KLHL31: variants seen among roughly 807,000 people sequenced by gnomAD.
KLHL31 encodes kelch like family member 31.
In KLHL31, 32 loss-of-function variants were observed where a neutral mutation model predicts 47.1. The ratio of observed to expected loss-of-function variants is 0.68; its 90% CI spans 0.51 to 0.91. KLHL31 has a LOEUF of 0.91. KLHL31 is among the 40% of genes least tolerant of loss of function. The pLI, the probability that KLHL31 is intolerant of heterozygous loss-of-function variation, is 0.00. For missense variants in KLHL31, 797 were observed against 819.3 expected, an observed-to-expected ratio of 0.97 and a Z score of 0.33; for synonymous variants, 330 against 325.1, an observed-to-expected ratio of 1.01 and a Z score of -0.16.
intron 1 of KLHL31, among the ~76,000 whole-genome samples, chr6:53,663,699 G>A (rs1322768981): frequency 2.0e-5 from 3 of 152,218 alleles, no homozygotes. Flanking sequence ...CAAGGACACA[G>A]TACAAAGTTT....
At chr6:53,658,700 G>A (rs76534223) in intron 1 of KLHL31, among the ~76,000 whole-genome samples, 2,780 of 152,076 alleles carry the variant, frequency 0.018, 86 homozygotes, top group African/African-American at 0.063. Context: ...TTTGTGATCC[G>A]AATAGAATTA....
At position 53,654,159 on chromosome 6, in the gene KLHL31, C is replaced by G. The variant is rs762094629; in HGVS notation, c.1114G>C (p.Gly372Arg). Residue 372 changes from glycine (G) to arginine (R), a missense_variant, in exon 2 of 3, where the codon GGT becomes CGT. Physicochemically the swap from Gly to Arg is moderately radical, Grantham distance 125. Transcript: ENST00000370905. ...TTTCTTGCATCATTCTGGTCTTCAC[C>G]ACCGGCTACATAAAGAAATCCATCC... ...VMDGFLYVAGGEDQNDARNQA... is the reference protein window; with the variant it reads ...VMDGFLYVAGREDQNDARNQA... The G allele has an allele frequency of 6.2e-7, 1 of 1,613,778 alleles. No homozygotes were observed. Among genetic ancestry groups the G allele is most frequent in the Non-Finnish European group, 8.5e-7 (1 of 1,179,862 alleles).
At position 53,649,766 on chromosome 6, in the gene KLHL31, C is replaced by A. The variant is rs1220194534; in HGVS notation, c.*1832G>T. 1 of 152,180 alleles carries A rather than the reference C, an allele frequency of 6.6e-6. No individual in the cohort carries two copies. Among genetic ancestry groups the A allele is most frequent in the East Asian group, 1.9e-4 (1 of 5,206 alleles). 9.4% of individuals were successfully genotyped at this position (152,180 alleles called of 1,614,324 possible). A position where few individuals can be genotyped will look rare whatever the true frequency, so the allele number is the denominator to read the frequency against. ...CCAAAAATTAACCATATACTATAGG[C>A]TTCTCAGTTGTATGAGTGTGTGCGT... On this transcript the variant is annotated 3_prime_UTR_variant, in exon 3 of 3. Coordinates refer to ENST00000370905, the MANE Select transcript of KLHL31 (RefSeq NM_001003760.5).
chr6:53,657,610 T>TGTG (rs1762823557), intron 1 of KLHL31, among the ~76,000 whole-genome samples: 4 of 138,722 alleles, frequency 2.9e-5, no homozygotes, highest in Non-Finnish European at 6.2e-5. Flanking sequence ...TGTTTTTGTT[T>TGTG]TGTGTGTGTG....
rs1764709742 is a variant in KLHL31 at position 53,665,748 on chromosome 6, G to C, written c.-181C>G. On this transcript the variant is annotated 5_prime_UTR_variant, in exon 1 of 3. Transcript: ENST00000370905. ...AGCCACCTGACAAGACCCGGCTGCA[G>C]CAATTTTTAGAGTGACCCTTTGCCG... 6.6e-6 allele frequency: 1 copy of C among 152,246 alleles called. No homozygotes were observed. Among genetic ancestry groups the C allele is most frequent in the South Asian group, 2.1e-4 (1 of 4,834 alleles). The allele number at this position is 152,246 out of a possible 1,614,324, so 9.4% of individuals were successfully genotyped here. A position where few individuals can be genotyped will look rare whatever the true frequency, so the allele number is the denominator to read the frequency against.
At chr6:53,664,917 G>A (rs531436118) in intron 1 of KLHL31, among the ~76,000 whole-genome samples, 9 of 152,290 alleles carry the variant, frequency 5.9e-5, no homozygotes, top group African/African-American at 1.4e-4. Context: ...CAACCTCGGG[G>A]TGGGGTGTAG....
rs563277353 is a variant in KLHL31 at position 53,649,265 on chromosome 6, A to C, written c.*2333T>G. 1 of 152,280 alleles carries C rather than the reference A, an allele frequency of 6.6e-6. No homozygotes were observed. The highest frequency in any genetic ancestry group is 2.1e-4 in the South Asian group (1 of 4,834). The allele number at this position is 152,280 out of a possible 1,614,324, so 9.4% of individuals were successfully genotyped here. ...ACCCTTACATTCCATACTCCTCGCCAATGTGTTATGTCAGAAATTCTGACA... is the reference window on the plus strand; with the variant it reads ...ACCCTTACATTCCATACTCCTCGCCCATGTGTTATGTCAGAAATTCTGACA... On this transcript the variant is annotated 3_prime_UTR_variant, in exon 3 of 3. Transcript: ENST00000370905.
Position 53,654,973 on chromosome 6 carries a change from G to A in KLHL31, c.300C>T (p.Asn100=), listed in dbSNP as rs114432809. Residue 100 remains asparagine, a synonymous_variant, in exon 2 of 3, where the codon AAC becomes AAT. Transcript: ENST00000370905. ...GAATTGACGGGTCTTTTTTTAGGAT[G>A]TTGTAAAAATACTCACTGCATGAAG... is the stretch of plus-strand genomic sequence containing the variant. ...VMASCSEYFY[N]ILKKDPSIQR... 9.7e-5 allele frequency: 156 copies of A among 1,614,190 alleles called. 1 individual carries two copies. In the African/African-American group the frequency reaches 1.6e-3, roughly 16 times the overall value.
At position 53,648,670 on chromosome 6, in the gene KLHL31, C is replaced by T. The variant is rs1307446586; in HGVS notation, c.*2928G>A. ...GTTTTAAAATTATACGAATCTGTAC[C>T]ATCACTGACCTTCTATTCAAAACCA... On this transcript the variant is annotated 3_prime_UTR_variant, in exon 3 of 3. Coordinates refer to ENST00000370905, the MANE Select transcript of KLHL31 (RefSeq NM_001003760.5). The T allele has an allele frequency of 6.6e-6, 1 of 152,066 alleles. No individual in the cohort carries two copies. Among genetic ancestry groups the T allele is most frequent in the African/African-American group, 2.4e-5 (1 of 41,406 alleles). The allele number at this position is 152,066 out of a possible 1,614,324, so 9.4% of individuals were successfully genotyped here.
rs1236549624 is a variant in KLHL31, at chr6:53,655,021, A to G, written c.252T>C (p.Phe84=). 6.2e-7 allele frequency: 1 copy of G among 1,614,158 alleles called. No individual in the cohort carries two copies. Among genetic ancestry groups the G allele is most frequent in the East Asian group, 2.2e-5 (1 of 44,882 alleles). Residue 84 remains phenylalanine (F), a synonymous_variant, in exon 2 of 3, where the codon TTT becomes TTC. Coordinates refer to ENST00000370905, the MANE Select transcript of KLHL31 (RefSeq NM_001003760.5). ...AAGCCATGACTGACTTATGAACATC[A>G]AAGGATTTGGTTTTGGTACCAATGA... ...DLVIGTKTKS[F]DVHKSVMASC... is the part of the protein sequence containing the mutation.
intron 1 of KLHL31, among the ~76,000 whole-genome samples, chr6:53,664,972 A>T (rs945338693): frequency 6.6e-6 from 1 of 152,160 alleles, no homozygotes; most frequent in Admixed American, 6.5e-5. Flanking sequence ...CATGATTTTT[A>T]ATATAAAATA....
rs1171398242 is a variant in KLHL31, at chr6:53,659,474, T to C, written c.-33-4169A>G. ...AGATTGTGTGTCTGGATTTAAGGAT[T>C]CAAATAAAAAGGACTATTGTGGTGG... On this transcript the variant is annotated intron_variant, in intron 1 of 2. Coordinates refer to ENST00000370905, the MANE Select transcript of KLHL31 (RefSeq NM_001003760.5). Among the ~76,000 whole-genome samples, 3 of 152,218 alleles carry C rather than the reference T, an allele frequency of 2.0e-5. No individual in the cohort carries two copies. In the South Asian group the frequency reaches 6.2e-4, roughly 32 times the overall value.
At position 53,651,763 on chromosome 6, in the gene KLHL31, G is replaced by T; in HGVS notation, c.1740C>A (p.Tyr580Ter). The T allele has an allele frequency of 6.2e-7, 1 of 1,614,076 alleles. No homozygotes were observed. Among genetic ancestry groups the T allele is most frequent in the Non-Finnish European group, 8.5e-7 (1 of 1,180,030 alleles). ...VGGWNEGEKK[Y>*]KKCIQCFSPE... ...GGCTGAAGCACTGGATGCACTTCTTGTACTTCTTCTCGCCCTCGTTCCAGC... is the reference window on the plus strand; with the variant it reads ...GGCTGAAGCACTGGATGCACTTCTTTTACTTCTTCTCGCCCTCGTTCCAGC... The change falls in exon 3 of 3, where the codon TAC becomes TAA. Residue 580 changes from tyrosine (Y) to a stop codon, truncating the protein, a stop_gained. Transcript: ENST00000370905. LOFTEE classifies it high-confidence loss of function.
At chr6:53,662,000 C>A (rs1437652399) in intron 1 of KLHL31, among the ~76,000 whole-genome samples, 1 of 151,098 alleles carries the variant, frequency 6.6e-6, no homozygotes, top group Non-Finnish European at 1.5e-5. Context: ...TCTCTTTTTT[C>A]TTTTTAACGG....
At chr6:53,663,400 T>G (rs1011431389) in intron 1 of KLHL31, among the ~76,000 whole-genome samples, 1 of 152,226 alleles carries the variant, frequency 6.6e-6, no homozygotes, top group African/African-American at 2.4e-5. Flanking sequence ...CCTGTGGATT[T>G]CTTTATCCTA....
intron 2 of KLHL31, among the ~76,000 whole-genome samples, chr6:53,653,455 T>A (rs1214079062): frequency 2.0e-5 from 3 of 152,252 alleles, no homozygotes; most frequent in Non-Finnish European, 2.9e-5. Context: ...AATGGAAGTT[T>A]AATTTTTAAT....
chr6:53,657,359 C>A (rs1764577265), intron 1 of KLHL31, among the ~76,000 whole-genome samples: 1 of 152,140 alleles, frequency 6.6e-6, no homozygotes, highest in Non-Finnish European at 1.5e-5. Flanking sequence ...TGAGCCAGTG[C>A]AAGCCAGCTC....
Position 53,652,096 on chromosome 6 carries a change from C to T in KLHL31, c.1407G>A (p.Leu469=), listed in dbSNP as rs1427087697. 1.3e-6 allele frequency: 2 copies of T among 1,599,678 alleles called. No homozygotes were observed. The highest frequency in any genetic ancestry group is 1.1e-5 in the South Asian group (1 of 90,796). ...CGTTGGCTATGTAGCCTCCGGTCAC[C>T]AGCACGCGGCCGTCGGCGACCGCGC... The part of the protein sequence containing the change: ...HASAVADGRV[L]VTGGYIANAY... The change falls in exon 3 of 3, where the codon CTG becomes CTA. Residue 469 remains leucine (L), a synonymous_variant. Coordinates refer to ENST00000370905, the MANE Select transcript of KLHL31 (RefSeq NM_001003760.5).
chr6:53,652,307 C>T lies in KLHL31; in HGVS notation c.1196G>A (p.Trp399Ter). 6.2e-7 allele frequency: 1 copy of T among 1,614,086 alleles called. No individual in the cohort carries two copies. The highest frequency in any genetic ancestry group is 8.5e-7 in the Non-Finnish European group (1 of 1,180,034). The change falls in exon 3 of 3, where the codon TGG becomes TAG. Residue 399 changes from tryptophan to a stop codon, truncating the protein, a stop_gained. Coordinates refer to ENST00000370905, the MANE Select transcript of KLHL31 (RefSeq NM_001003760.5). LOFTEE classifies it high-confidence loss of function. ...CTGGTTCATGCTGGCCAGGTGTATC[C>T]AGGTGTTGAAGCGGGGATCGTATCT... ...FCRYDPRFNT[W>*]IHLASMNQKR...
Sources: allele counts gnomAD v4.1 joint callset (sites outside exome capture counted in the v4.1 genomes callset), GRCh38; gene constraint gnomAD v4.1.1; transcripts MANE v1.5; gene names NCBI Gene and HGNC (gene_info 2026-07-23, HGNC 2026-07-21).